Variants in CDK14 observed in about 807,000 individuals in gnomAD.
CDK14 encodes the protein cyclin dependent kinase 14.
A neutral mutation model predicts 60.7 loss-of-function variants in CDK14; 34 were observed. The ratio of observed to expected loss-of-function variants is 0.56; its 90% CI spans 0.43 to 0.75. The LOEUF (loss-of-function observed/expected upper bound fraction) is 0.75, where lower values mean the gene tolerates loss of function less well. CDK14 is among the 30% of genes least tolerant of loss of function. The pLI is 0.00. For missense variants in CDK14, 482 were observed against 564.1 expected, an observed-to-expected ratio of 0.85 and a Z score of 1.47; for synonymous variants, 197 against 203.7, an observed-to-expected ratio of 0.97 and a Z score of 0.28.
At chr7:91,010,910 C>T (rs1291855779) in intron 10 of CDK14, among the ~76,000 whole-genome samples, 1 of 141,254 alleles carries the variant, frequency 7.1e-6, no homozygotes, top group African/African-American at 2.6e-5. Context: ...CTAGAACCTC[C>T]AGTATAATAT....
chr7:91,074,335 G>A (rs1798234643), intron 11 of CDK14, among the ~76,000 whole-genome samples: 1 of 152,158 alleles, frequency 6.6e-6, no homozygotes, highest in South Asian at 2.1e-4. Context: ...TTAGATCTCA[G>A]GATTAAGAAA....
intron 6 of CDK14, among the ~76,000 whole-genome samples, chr7:90,880,091 G>A (rs1360677231): frequency 6.6e-6 from 1 of 152,252 alleles, no homozygotes; most frequent in Non-Finnish European, 1.5e-5. Flanking sequence ...GGGGAGATGC[G>A]ATCAGCATTG....
chr7:90,907,654 T>C (rs1463701391), intron 7 of CDK14, among the ~76,000 whole-genome samples: 2 of 152,118 alleles, frequency 1.3e-5, no homozygotes, highest in Admixed American at 6.6e-5. Flanking sequence ...AAAGTAATTT[T>C]GAACTTCCTG....
intron 3 of CDK14, among the ~76,000 whole-genome samples, chr7:90,739,134 T>C (rs139081171): frequency 6.6e-6 from 1 of 152,322 alleles, no homozygotes; most frequent in African/African-American, 2.4e-5. Flanking sequence ...GAGAATTACA[T>C]GCCTTTGATT....
intron 3 of CDK14, among the ~76,000 whole-genome samples, chr7:90,734,101 G>C (rs1802986042): frequency 6.6e-6 from 1 of 152,190 alleles, no homozygotes; most frequent in African/African-American, 2.4e-5. Context: ...ATTCTGGGTT[G>C]AAAATACTTT....
intron 14 of CDK14, among the ~76,000 whole-genome samples, chr7:91,200,375 A>C (rs559328732): frequency 6.6e-6 from 1 of 152,194 alleles, no homozygotes. Context: ...TTAATTCTCT[A>C]TAATAGGAAA....
At chr7:90,875,032 C>T (rs890883772) in intron 6 of CDK14, among the ~76,000 whole-genome samples, 1 of 152,112 alleles carries the variant, frequency 6.6e-6, no homozygotes, top group Admixed American at 6.5e-5. Flanking sequence ...CACCACTAAC[C>T]CCCTGCTCCT....
chr7:90,694,281 CAG>C (rs1246797962), intron 2 of CDK14, among the ~76,000 whole-genome samples: 4 of 152,082 alleles, frequency 2.6e-5, no homozygotes, highest in Admixed American at 6.5e-5. Context: ...ACTAAGGAAA[CAG>C]AAGCAGCAAA....
intron 5 of CDK14, among the ~76,000 whole-genome samples, chr7:90,847,256 C>T (rs1195026270): frequency 2.6e-5 from 4 of 152,072 alleles, no homozygotes; most frequent in African/African-American, 2.4e-5. Context: ...CCATATCTTC[C>T]GAGGTTAGAT....
intron 11 of CDK14, among the ~76,000 whole-genome samples, chr7:91,078,945 G>T (rs1283301037): frequency 6.6e-6 from 1 of 152,106 alleles, no homozygotes; most frequent in African/African-American, 2.4e-5. Context: ...ACTGATAAAT[G>T]TAAATATACG....
At chr7:91,082,853 A>C (rs1798520450) in intron 12 of CDK14, among the ~76,000 whole-genome samples, 1 of 152,198 alleles carries the variant, frequency 6.6e-6, no homozygotes, top group Admixed American at 6.5e-5. Context: ...TTTTCTTGTC[A>C]TTATAGCTGA....
At chr7:91,145,250 G>A (rs905566661) in intron 14 of CDK14, among the ~76,000 whole-genome samples, 2 of 152,152 alleles carry the variant, frequency 1.3e-5, no homozygotes, top group African/African-American at 4.8e-5. Flanking sequence ...ATCTCACTGC[G>A]ATCCATATAG....
intron 5 of CDK14, among the ~76,000 whole-genome samples, chr7:90,810,982 G>A (rs1789077380): frequency 6.6e-6 from 1 of 152,120 alleles, no homozygotes. Flanking sequence ...CAAACAAATG[G>A]AAGAATATTC....
intron 4 of CDK14, among the ~76,000 whole-genome samples, chr7:90,785,710 C>T (rs1320296985): frequency 6.8e-6 from 1 of 147,128 alleles, no homozygotes; most frequent in Non-Finnish European, 1.5e-5. Context: ...TGGTGTGAAC[C>T]TGGGAGGTGG....
chr7:90,708,402 A>G (rs1355699714), intron 2 of CDK14, among the ~76,000 whole-genome samples: 3 of 152,202 alleles, frequency 2.0e-5, no homozygotes, highest in Non-Finnish European at 4.4e-5. Context: ...CTATTCTGCA[A>G]AAATGATGCT....
At chr7:90,715,946 G>A (rs1216537516) in intron 2 of CDK14, among the ~76,000 whole-genome samples, 1 of 151,602 alleles carries the variant, frequency 6.6e-6, no homozygotes, top group Non-Finnish European at 1.5e-5. Context: ...GGGGTGGGGG[G>A]AATATAGATA....
intron 14 of CDK14, among the ~76,000 whole-genome samples, chr7:91,137,424 G>T (rs1800312921): frequency 6.6e-6 from 1 of 152,058 alleles, no homozygotes; most frequent in African/African-American, 2.4e-5. Context: ...ACAGTTATCT[G>T]CATTACTGTG....
intron 11 of CDK14, among the ~76,000 whole-genome samples, chr7:91,052,428 A>C (rs1249468486): frequency 6.6e-6 from 1 of 152,136 alleles, no homozygotes; most frequent in Non-Finnish European, 1.5e-5. Context: ...CAATTAGACT[A>C]TTTTAAAAAG....
chr7:91,081,510 TA>T (rs1275636189), intron 12 of CDK14, among the ~76,000 whole-genome samples: 1 of 152,194 alleles, frequency 6.6e-6, no homozygotes, highest in East Asian at 1.9e-4. Context: ...TGGGTTAATA[TA>T]AAAAAGTAGG....
Sources: gnomAD v4.1 joint callset for allele counts (sites outside exome capture counted in the v4.1 genomes callset) on GRCh38, gnomAD v4.1.1 for gene constraint, MANE v1.5 for transcripts, NCBI Gene and HGNC (gene_info 2026-07-23, HGNC 2026-07-21) for gene names.